Variants in AGBL1 observed in about 807,000 individuals in gnomAD.
The protein encoded by AGBL1 is AGBL carboxypeptidase 1, also known as cytosolic carboxypeptidase 4.
AGBL1 carries 130 observed loss-of-function variants against 118.9 expected under a neutral mutation model. The ratio of observed to expected loss-of-function variants is 1.09; its 90% CI spans 0.95 to 1.26. The LOEUF (loss-of-function observed/expected upper bound fraction) is 1.26, where lower values mean the gene tolerates loss of function less well. AGBL1 is among the 50% of genes most tolerant of loss of function. The pLI, the probability that AGBL1 is intolerant of heterozygous loss-of-function variation, is 0.00. For synonymous variants in AGBL1, 555 were observed against 478.9 expected (o/e 1.16, Z -2.08); for missense variants, 1,584 against 1,298.1 (o/e 1.22, Z -3.38).
intron 5 of AGBL1, among the ~76,000 whole-genome samples, chr15:86,213,727 A>C (rs1358104821): frequency 6.6e-6 from 1 of 152,166 alleles, no homozygotes; most frequent in African/African-American, 2.4e-5. Flanking sequence ...CAAATACAAG[A>C]ATAACTCTTT....
chr15:86,312,887 A>T (rs1480780925), intron 17 of AGBL1, among the ~76,000 whole-genome samples: 1 of 152,216 alleles, frequency 6.6e-6, no homozygotes, highest in East Asian at 1.9e-4. Context: ...CTGAGCAAAA[A>T]ACATTTTGTT....
chr15:86,206,568 T>C (rs1053778053), intron 5 of AGBL1, among the ~76,000 whole-genome samples: 5 of 152,240 alleles, frequency 3.3e-5, no homozygotes, highest in African/African-American at 1.2e-4. Context: ...TGGCCAGTGA[T>C]GATGAGCATT....
intron 22 of AGBL1, among the ~76,000 whole-genome samples, chr15:86,729,573 C>A (rs1481270787): frequency 6.6e-6 from 1 of 152,182 alleles, no homozygotes; most frequent in Non-Finnish European, 1.5e-5. Context: ...ATAATGGCCT[C>A]CAGCTGTATC....
intron 22 of AGBL1, among the ~76,000 whole-genome samples, chr15:86,761,931 T>G (rs1027989930): frequency 6.6e-6 from 1 of 152,158 alleles, no homozygotes; most frequent in African/African-American, 2.4e-5. Flanking sequence ...TGAATGGTAT[T>G]GCCTAGATTT....
chr15:86,995,608 A>G (rs976429085), intron 24 of AGBL1, among the ~76,000 whole-genome samples: 1 of 152,200 alleles, frequency 6.6e-6, no homozygotes, highest in Non-Finnish European at 1.5e-5. Flanking sequence ...AAAAAAGAAA[A>G]TATTTGAAAA....
At chr15:86,581,777 G>C (rs2084175865) in intron 21 of AGBL1, among the ~76,000 whole-genome samples, 1 of 152,066 alleles carries the variant, frequency 6.6e-6, no homozygotes, top group Admixed American at 6.6e-5. Context: ...ACAAAAATGA[G>C]ACCATTTGTA....
At chr15:86,605,906 C>T (rs370320489) in intron 21 of AGBL1, among the ~76,000 whole-genome samples, 18 of 151,908 alleles carry the variant, frequency 1.2e-4, no homozygotes, top group East Asian at 5.8e-4. Flanking sequence ...GAAGGTGGAT[C>T]GCCTGAGGTC....
chr15:86,256,893 T>C lies in AGBL1; in HGVS notation c.776T>C (p.Val259Ala), dbSNP rs1487723910. ...DDKSMEPVIS[V>A]VLQILRQCYP... ...AAGAGCATGGAGCCCGTCATCTCTG[T>C]GGTGCTTCAGATCCTGAGGCAGTGC... The change falls in exon 8 of 23, where the codon GTG (valine) becomes GCG (alanine). Residue 259 changes from valine (V) to alanine (A), a missense_variant. Physicochemically the swap from Val to Ala is moderately conservative, Grantham distance 64. Transcript: ENST00000614907. The C allele has an allele frequency of 6.2e-7, 1 of 1,613,792 alleles. No homozygotes were observed. Among genetic ancestry groups the C allele is most frequent in the Non-Finnish European group, 8.5e-7 (1 of 1,179,870 alleles).
chr15:86,162,912 C>T (rs945343124), intron 5 of AGBL1, among the ~76,000 whole-genome samples: 5 of 152,170 alleles, frequency 3.3e-5, no homozygotes, highest in African/African-American at 9.7e-5. Context: ...CACTGGATGC[C>T]ACCTGCTCCA....
chr15:86,689,326 C>A (rs2086120422), intron 22 of AGBL1, among the ~76,000 whole-genome samples: 1 of 152,106 alleles, frequency 6.6e-6, no homozygotes, highest in African/African-American at 2.4e-5. Flanking sequence ...GCATTTCTAG[C>A]CACTCCTACT....
At chr15:86,382,393 G>A (rs1222477681) in intron 17 of AGBL1, among the ~76,000 whole-genome samples, 4 of 152,278 alleles carry the variant, frequency 2.6e-5, no homozygotes, top group South Asian at 2.1e-4. Context: ...AATATTCTCC[G>A]TCAGGCTCTC....
intron 17 of AGBL1, among the ~76,000 whole-genome samples, chr15:86,308,070 G>T (rs1171429793): frequency 6.6e-6 from 1 of 152,040 alleles, no homozygotes; most frequent in African/African-American, 2.4e-5. Context: ...TACATAAACA[G>T]AAACATTATA....
intron 17 of AGBL1, among the ~76,000 whole-genome samples, chr15:86,361,102 C>A (rs1458827272): frequency 6.6e-6 from 1 of 151,896 alleles, no homozygotes; most frequent in East Asian, 1.9e-4. Context: ...TTTATAGCTA[C>A]AAAATTATAT....
intron 21 of AGBL1, among the ~76,000 whole-genome samples, chr15:86,568,973 T>C (rs912627946): frequency 6.6e-6 from 1 of 152,206 alleles, no homozygotes; most frequent in East Asian, 1.9e-4. Context: ...TGAGATACTT[T>C]GTTGATCTAT....
At chr15:86,714,899 A>G (rs1346715682) in intron 22 of AGBL1, among the ~76,000 whole-genome samples, 1 of 152,196 alleles carries the variant, frequency 6.6e-6, no homozygotes, top group African/African-American at 2.4e-5. Flanking sequence ...GCATGCAATC[A>G]GTCTGCACTC....
intron 22 of AGBL1, among the ~76,000 whole-genome samples, chr15:86,788,963 G>A (rs1156814369): frequency 2.0e-5 from 3 of 152,216 alleles, no homozygotes; most frequent in African/African-American, 7.2e-5. Context: ...GGATCTGCTG[G>A]CAGGCAGTAG....
intron 22 of AGBL1, among the ~76,000 whole-genome samples, chr15:86,747,648 G>T (rs978885138): frequency 6.6e-6 from 1 of 151,984 alleles, no homozygotes; most frequent in African/African-American, 2.4e-5. Flanking sequence ...CCCACAACAG[G>T]CCCCAGTGTG....
At chr15:87,018,146 T>C (rs1377692453) in intron 24 of AGBL1, among the ~76,000 whole-genome samples, 2 of 135,184 alleles carry the variant, frequency 1.5e-5, no homozygotes, top group East Asian at 3.9e-4. Context: ...CTACAATGGA[T>C]TGGGGTACCT....
In AGBL1 at chr15:86,204,486, T is replaced by TCCCTTC. The variant is rs147795031; in HGVS notation, c.489-20396_489-20391dup. ...TCCCTTCCCTTACCTTCCCTTCCTT[T>TCCCTTC]CCCTTCCCCTTCCCCTTCCCCTTCC... On this transcript the variant is annotated intron_variant, in intron 5 of 22. Transcript: ENST00000614907. Among the ~76,000 whole-genome samples the TCCCTTC allele has an allele frequency of 5.1e-3, 757 of 148,230 alleles. 13 individuals are homozygous for TCCCTTC. Among genetic ancestry groups the TCCCTTC allele is most frequent in the Middle Eastern group, 7.2e-3 (2 of 278 alleles).
Sources: gnomAD v4.1 joint callset for allele counts (sites outside exome capture counted in the v4.1 genomes callset) on GRCh38, gnomAD v4.1.1 for gene constraint, MANE v1.5 for transcripts, NCBI Gene and HGNC (gene_info 2026-07-23, HGNC 2026-07-21) for gene names.